ZNF860: variants seen among roughly 807,000 people sequenced by gnomAD.
The protein encoded by ZNF860 is zinc finger protein 860.
For missense variants in ZNF860, 641 were observed against 759.2 expected (o/e 0.84, Z 1.83); for synonymous variants, 206 against 248.9 (o/e 0.83, Z 1.62).
Position 31,991,265 on chromosome 3 carries a change from C to T in ZNF860, c.*287C>T, listed in dbSNP as rs546924080. ...GTTTGAGACCATCCTGGCCAAAAGA[C>T]GTGAGCCACTTTTCCTAGCCTGTTT... On this transcript the variant is annotated 3_prime_UTR_variant, in exon 2 of 2. Transcript: ENST00000360311. 7.0e-4 allele frequency: 233 copies of T among 330,994 alleles called. No individual in the cohort carries two copies. Among genetic ancestry groups the T allele is most frequent in the African/African-American group, 4.5e-3 (208 of 46,546 alleles). The allele number at this position is 330,994 out of a possible 1,614,324, so 20.5% of individuals were successfully genotyped here. A position where few individuals can be genotyped will look rare whatever the true frequency, so the allele number is the denominator to read the frequency against.
Position 31,989,664 on chromosome 3 carries a change from T to A in ZNF860, c.585T>A (p.Ile195=). The change falls in exon 2 of 2, where the codon ATT becomes ATA. Residue 195 remains isoleucine, a synonymous_variant. Coordinates refer to ENST00000360311, the MANE Select transcript of ZNF860 (RefSeq NM_001137674.3). ...DASSVLTSQR[I]SSRPKIHISN... ...CCTCAGTTCTAACGTCCCAAAGAAT[T>A]TCTTCTAGGCCCAAAATCCATATTT... The A allele has an allele frequency of 1.2e-6, 2 of 1,614,142 alleles. No homozygotes were observed. Among genetic ancestry groups the A allele is most frequent in the Non-Finnish European group, 1.7e-6 (2 of 1,180,014 alleles).
chr3:31,984,786 T>C (rs976321347), intron 1 of ZNF860, among the ~76,000 whole-genome samples: 7 of 152,218 alleles, frequency 4.6e-5, no homozygotes, highest in African/African-American at 1.7e-4. Context: ...CAATCCTTGC[T>C]TTAGGGTTAG....
At chr3:32,003,621 T>C in the ZNF860 span, among the ~76,000 whole-genome samples, 3 of 152,216 alleles carry the variant, frequency 2.0e-5, no homozygotes, top group Non-Finnish European at 2.9e-5. Flanking sequence ...GGGAACAGAC[T>C]GCACAGTGAA....
chr3:31,996,647 A>G (rs1271010381), downstream of ZNF860, among the ~76,000 whole-genome samples: 1 of 152,204 alleles, frequency 6.6e-6, no homozygotes, highest in Non-Finnish European at 1.5e-5. Context: ...TTTCAGAAAG[A>G]AGCTGTTGCC....
rs763548281 is a variant in ZNF860 at position 31,989,451 on chromosome 3, T to G, written c.372T>G (p.His124Gln). The change falls in exon 2 of 2, where the codon CAT (histidine) becomes CAG (glutamine). Residue 124 changes from histidine to glutamine, a missense_variant. His to Gln is a conservative substitution (Grantham distance 24). Transcript: ENST00000360311. ...GGCAAGAAGACAAAAGAAATAGCCATGAAGCAACTATGACACAAATCAAAA... is the reference window on the plus strand; with the variant it reads ...GGCAAGAAGACAAAAGAAATAGCCAGGAAGCAACTATGACACAAATCAAAA... ...FQWQEDKRNS[H>Q]EATMTQIKKL... is the part of the protein sequence containing the mutation. 1.5e-5 allele frequency: 25 copies of G among 1,614,182 alleles called. No individual in the cohort carries two copies. The highest frequency in any genetic ancestry group is 2.1e-5 in the Non-Finnish European group (25 of 1,180,038).
At chr3:31,987,182 A>G (rs1167658832) in intron 1 of ZNF860, among the ~76,000 whole-genome samples, 1 of 152,144 alleles carries the variant, frequency 6.6e-6, no homozygotes, top group Non-Finnish European at 1.5e-5. Flanking sequence ...CTATCTGCAT[A>G]GTTGTATATC....
chr3:32,005,438 TATG>T, the ZNF860 span, among the ~76,000 whole-genome samples: 21,889 of 152,080 alleles, frequency 0.14, 1,609 homozygotes, highest in Middle Eastern at 0.21. Context: ...CCTGTCCCTT[TATG>T]GACTGTGAGC....
chr3:32,003,945 C>G, the ZNF860 span, among the ~76,000 whole-genome samples: 2 of 152,122 alleles, frequency 1.3e-5, no homozygotes, highest in African/African-American at 4.8e-5. Flanking sequence ...AGAGGTTTTT[C>G]TCTGCAAAAC....
At position 31,991,459 on chromosome 3, in the gene ZNF860, C is replaced by A. The variant is rs1360893965; in HGVS notation, c.*481C>A. On this transcript the variant is annotated 3_prime_UTR_variant, in exon 2 of 2. Coordinates refer to ENST00000360311, the MANE Select transcript of ZNF860 (RefSeq NM_001137674.3). ...ATGTTTGTAGATTTCAAGGTACAAA[C>A]TTCTCACCTTTTTACGTTTATTCCT... 33 of 166,992 alleles carry A rather than the reference C, an allele frequency of 2.0e-4. 1 individual carries two copies. 10.3% of individuals were successfully genotyped at this position (166,992 alleles called of 1,614,324 possible).
downstream of ZNF860, among the ~76,000 whole-genome samples, chr3:31,993,332 C>G (rs574053849): frequency 1.3e-5 from 2 of 152,106 alleles, no homozygotes; most frequent in South Asian, 4.1e-4. Context: ...GCCTCAGCCT[C>G]CCGGTAGCTG....
intron 1 of ZNF860, among the ~76,000 whole-genome samples, chr3:31,985,384 G>C (rs980276393): frequency 6.6e-6 from 1 of 152,198 alleles, no homozygotes; most frequent in Non-Finnish European, 1.5e-5. Context: ...AGCCATCACA[G>C]ACCATGTAAA....
chr3:31,995,253 T>A (rs1699078281), downstream of ZNF860, among the ~76,000 whole-genome samples: 1 of 152,050 alleles, frequency 6.6e-6, no homozygotes. Context: ...AGCCTGAGAG[T>A]ACTGCAGGAG....
chr3:31,988,964 C>A lies in ZNF860; in HGVS notation c.-116C>A. 1 of 1,405,314 alleles carries A rather than the reference C, an allele frequency of 7.1e-7. No individual in the cohort carries two copies. The highest frequency in any genetic ancestry group is 1.3e-5 in the South Asian group (1 of 74,078). The allele number at this position is 1,405,314 out of a possible 1,614,324, so 87.1% of individuals were successfully genotyped here. ...CTGTGAGATAATCAGTGTTTGTTGC[C>A]TTAAGCCACGAAGTTTGTGATAATT... is the stretch of plus-strand genomic sequence containing the variant. On this transcript the variant is annotated 5_prime_UTR_variant, in exon 2 of 2. Coordinates refer to ENST00000360311, the MANE Select transcript of ZNF860 (RefSeq NM_001137674.3).
rs770898596 is a variant in ZNF860 at position 31,989,135 on chromosome 3, T to C, written c.56T>C (p.Leu19Pro). The change falls in exon 2 of 2, where the codon CTT (leucine) becomes CCT (proline). Residue 19 changes from leucine (L) to proline (P), a missense_variant. Physicochemically the swap from Leu to Pro is moderately conservative, Grantham distance 98. Transcript: ENST00000360311. ...KRKEKEPGMALPQGHLTFRDV... is the reference protein window; with the variant it reads ...KRKEKEPGMAPPQGHLTFRDV... The stretch of plus-strand genomic sequence containing the variant: ...AAAGAAAAGGAGCCAGGCATGGCTC[T>C]TCCTCAGGGACACTTGACTTTTAGG... 4 of 1,614,064 alleles carry C rather than the reference T, an allele frequency of 2.5e-6. No homozygotes were observed. In the African/African-American group the frequency reaches 5.3e-5, roughly 22 times the overall value.
intron 1 of ZNF860, among the ~76,000 whole-genome samples, chr3:31,984,133 G>A (rs1178881325): frequency 6.6e-6 from 1 of 152,132 alleles, no homozygotes; most frequent in African/African-American, 2.4e-5. Flanking sequence ...TGCCTCCCGG[G>A]TTCACGTCAT....
At chr3:32,000,732 T>C in the ZNF860 span, among the ~76,000 whole-genome samples, 40 of 152,300 alleles carry the variant, frequency 2.6e-4, 1 homozygote, top group East Asian at 7.7e-3. Flanking sequence ...TCCAAGCCAA[T>C]TTTGAGAGGG....
At chr3:31,988,051 C>T (rs577155467) in intron 1 of ZNF860, among the ~76,000 whole-genome samples, 1 of 152,298 alleles carries the variant, frequency 6.6e-6, no homozygotes, top group Non-Finnish European at 1.5e-5. Context: ...GGCCTTGAGA[C>T]CTAATCACGG....
chr3:32,005,396 A>G, the ZNF860 span, among the ~76,000 whole-genome samples: 2 of 152,152 alleles, frequency 1.3e-5, no homozygotes, highest in East Asian at 3.9e-4. Flanking sequence ...CTACTACCAC[A>G]TTAATCTGGA....
At chr3:32,001,930 T>C in the ZNF860 span, among the ~76,000 whole-genome samples, 1 of 152,294 alleles carries the variant, frequency 6.6e-6, no homozygotes, top group East Asian at 1.9e-4. Flanking sequence ...AGAGAGATTA[T>C]TATGCTTAAT....
Sources: gnomAD v4.1 joint callset for allele counts (sites outside exome capture counted in the v4.1 genomes callset) on GRCh38, gnomAD v4.1.1 for gene constraint, MANE v1.5 for transcripts, NCBI Gene and HGNC (gene_info 2026-07-23, HGNC 2026-07-21) for gene names.